GRIN2A: variants seen among roughly 807,000 people sequenced by gnomAD.
The protein encoded by GRIN2A is glutamate receptor ionotropic, NMDA 2A.
GRIN2A carries 22 observed loss-of-function variants against 113.4 expected under a neutral mutation model. The observed-to-expected ratio is 0.19, with a 90% CI of 0.14 to 0.28. The LOEUF is 0.28. Ranked by LOEUF, GRIN2A falls within the 10% of genes least tolerant of loss-of-function variation. GRIN2A has a pLI of 1.00. For missense variants in GRIN2A, 1,502 were observed against 1,887.0 expected (o/e 0.80, Z 3.78); for synonymous variants, 827 against 738.4 (o/e 1.12, Z -1.94).
chr16:9,886,740 G>T (rs2043594068), intron 4 of GRIN2A, among the ~76,000 whole-genome samples: 1 of 152,114 alleles, frequency 6.6e-6, no homozygotes. Flanking sequence ...GGGCTCCGGT[G>T]GATCAACTGA....
intron 2 of GRIN2A, among the ~76,000 whole-genome samples, chr16:10,149,418 G>T (rs2074563257): frequency 6.6e-6 from 1 of 152,160 alleles, no homozygotes; most frequent in Non-Finnish European, 1.5e-5. Flanking sequence ...TTTGCCCAGT[G>T]GGGCAACCTG....
intron 2 of GRIN2A, chr16:10,112,090 A>T: frequency 1.7e-6 from 1 of 602,952 alleles, no homozygotes. Flanking sequence ...CTGGCCTCCA[A>T]GGATTCCCAC....
intron 4 of GRIN2A, among the ~76,000 whole-genome samples, chr16:9,881,456 T>C (rs552355396): frequency 6.6e-6 from 1 of 152,308 alleles, no homozygotes; most frequent in African/African-American, 2.4e-5. Context: ...TGAGAATCAC[T>C]AGGGAGGCTT....
At chr16:9,800,823 G>C (rs1023261874) in intron 10 of GRIN2A, among the ~76,000 whole-genome samples, 1 of 152,166 alleles carries the variant, frequency 6.6e-6, no homozygotes, top group Non-Finnish European at 1.5e-5. Flanking sequence ...GAGCAACCTA[G>C]AGCTTGGCTT....
intron 2 of GRIN2A, among the ~76,000 whole-genome samples, chr16:9,981,940 C>A (rs1307515774): frequency 6.6e-6 from 1 of 152,096 alleles, no homozygotes; most frequent in African/African-American, 2.4e-5. Flanking sequence ...ACATGTGCCA[C>A]CATGCCTAGC....
chr16:10,092,011 A>G (rs2048192776), intron 2 of GRIN2A, among the ~76,000 whole-genome samples: 1 of 152,024 alleles, frequency 6.6e-6, no homozygotes, highest in Non-Finnish European at 1.5e-5. Flanking sequence ...GCATTTTATG[A>G]TAAGTAAATT....
intron 2 of GRIN2A, among the ~76,000 whole-genome samples, chr16:9,946,089 T>C (rs569605771): frequency 1.3e-4 from 20 of 152,174 alleles, no homozygotes; most frequent in Non-Finnish European, 2.4e-4. Flanking sequence ...ACAATGATCA[T>C]TGCTCTTGAA....
intron 2 of GRIN2A, among the ~76,000 whole-genome samples, chr16:10,055,404 A>C (rs897025622): frequency 2.0e-5 from 3 of 152,202 alleles, no homozygotes; most frequent in Non-Finnish European, 4.4e-5. Flanking sequence ...ACTTATCAGC[A>C]TGTCTGAAAT....
rs796429460 is a variant in GRIN2A, at chr16:10,035,665, A to T, written c.415-97114T>A. Among the ~76,000 whole-genome samples, 5 of 151,396 alleles carry T rather than the reference A, an allele frequency of 3.3e-5. No individual in the cohort carries two copies. In the South Asian group the frequency reaches 1.1e-3, roughly 32 times the overall value. On this transcript the variant is annotated intron_variant, in intron 2 of 12. Coordinates refer to ENST00000330684, the MANE Select transcript of GRIN2A (RefSeq NM_001134407.3). ...GCCCAAGAATCTGCATTCCCAAGTG[A>T]TGCTGATGCTGCTGGTCCAGGGACC...
At chr16:10,160,378 G>C (rs1393826899) in intron 2 of GRIN2A, among the ~76,000 whole-genome samples, 1 of 152,172 alleles carries the variant, frequency 6.6e-6, no homozygotes, top group Admixed American at 6.5e-5. Flanking sequence ...ACTGTGGATG[G>C]GTTGTAGACT....
intron 2 of GRIN2A, among the ~76,000 whole-genome samples, chr16:10,161,954 A>T (rs563074689): frequency 2.0e-5 from 3 of 152,310 alleles, no homozygotes; most frequent in African/African-American, 7.2e-5. Context: ...AATCCAGAAC[A>T]GTCTCTCCAT....
intron 4 of GRIN2A, among the ~76,000 whole-genome samples, chr16:9,861,312 AT>A (rs2043063535): frequency 6.6e-6 from 1 of 152,204 alleles, no homozygotes. Flanking sequence ...CGGGAGACCA[AT>A]TTCTCTCCAC....
intron 2 of GRIN2A, among the ~76,000 whole-genome samples, chr16:10,068,094 C>T (rs1440098724): frequency 6.6e-6 from 1 of 152,230 alleles, no homozygotes; most frequent in Non-Finnish European, 1.5e-5. Context: ...TCCATGAATG[C>T]TAATCCCTTT....
At chr16:9,957,878 G>C (rs1166988371) in intron 2 of GRIN2A, among the ~76,000 whole-genome samples, 1 of 152,114 alleles carries the variant, frequency 6.6e-6, no homozygotes, top group Non-Finnish European at 1.5e-5. Context: ...TTTTCAGCAG[G>C]GTTTTCACAT....
rs1567266461 is a variant in GRIN2A at position 10,055,090 on chromosome 16, AAAGAAAGAAAG to A, written c.415-116550_415-116540del. 8.9e-4 allele frequency among the ~76,000 whole-genome samples: 68 copies of A among 76,580 alleles called. 6 individuals carry two copies. Among genetic ancestry groups the A allele is most frequent in the East Asian group, 2.9e-3 (4 of 1,394 alleles). 50.2% of individuals were successfully genotyped at this position (76,580 alleles called of 152,430 possible). On this transcript the variant is annotated intron_variant, in intron 2 of 12. Coordinates refer to ENST00000330684, the MANE Select transcript of GRIN2A (RefSeq NM_001134407.3). The stretch of plus-strand genomic sequence containing the variant: ...AAAAAAAAAAAAAAAAAAAAAGAAA[AAAGAAAGAAAG>A]AAAGAAAAAAGAAAAAAAAAACAGT...
intron 7 of GRIN2A, among the ~76,000 whole-genome samples, chr16:9,835,892 A>G (rs2042576626): frequency 6.6e-6 from 1 of 152,200 alleles, no homozygotes; most frequent in African/African-American, 2.4e-5. Context: ...ATGCTTTCTA[A>G]TGCATTTGAT....
At chr16:9,857,844 T>C (rs1338623041) in intron 4 of GRIN2A, among the ~76,000 whole-genome samples, 1 of 152,242 alleles carries the variant, frequency 6.6e-6, no homozygotes, top group Non-Finnish European at 1.5e-5. Context: ...TAAGAGCTTT[T>C]CTCGATACTA....
chr16:10,021,564 T>A (rs1156229530), intron 2 of GRIN2A, among the ~76,000 whole-genome samples: 2 of 152,010 alleles, frequency 1.3e-5, no homozygotes, highest in African/African-American at 4.8e-5. Flanking sequence ...GAAATCCACA[T>A]TGACAGCAAA....
At chr16:9,860,617 T>C (rs1290629649) in intron 4 of GRIN2A, among the ~76,000 whole-genome samples, 1 of 152,144 alleles carries the variant, frequency 6.6e-6, no homozygotes, top group Non-Finnish European at 1.5e-5. Context: ...TAAACACTTC[T>C]TCTCAATGTA....
Sources: allele counts gnomAD v4.1 joint callset (sites outside exome capture counted in the v4.1 genomes callset), GRCh38; gene constraint gnomAD v4.1.1; transcripts MANE v1.5; gene names NCBI Gene and HGNC (gene_info 2026-07-23, HGNC 2026-07-21).